Variants in PPP1R10 observed in about 807,000 individuals in gnomAD.
PPP1R10 encodes serine/threonine-protein phosphatase 1 regulatory subunit 10.
A neutral mutation model predicts 99.0 loss-of-function variants in PPP1R10; 15 were observed. That is an observed-to-expected ratio of 0.15 (90% confidence interval 0.10 to 0.23). PPP1R10 has a LOEUF of 0.23. PPP1R10 is among the 10% of genes least tolerant of loss of function. The pLI, the probability that PPP1R10 is intolerant of heterozygous loss-of-function variation, is 1.00. For synonymous variants in PPP1R10, 430 were observed against 449.5 expected, an observed-to-expected ratio of 0.96 and a Z score of 0.55; for missense variants, 947 against 1,259.4, an observed-to-expected ratio of 0.75 and a Z score of 3.75.
intron 2 of PPP1R10, among the ~76,000 whole-genome samples, chr6:30,612,804 C>T (rs1197411655): frequency 3.3e-5 from 5 of 152,232 alleles, no homozygotes; most frequent in Non-Finnish European, 7.4e-5. Flanking sequence ...TCCAACATTT[C>T]GGGCACAGGG....
At chr6:30,608,686 G>A (rs1277850837) in intron 5 of PPP1R10, 93 bp downstream of exon 5, 1 of 1,432,696 alleles carries the variant, frequency 7.0e-7, no homozygotes, top group Non-Finnish European at 9.6e-7. Context: ...TACCTCACAG[G>A]CCCAAGATTA....
intron 2 of PPP1R10, among the ~76,000 whole-genome samples, chr6:30,616,070 G>T (rs1760492178): frequency 6.6e-6 from 1 of 152,090 alleles, no homozygotes. Context: ...GGTACTTCTG[G>T]GCCACAAGAT....
intron 2 of PPP1R10, among the ~76,000 whole-genome samples, chr6:30,615,730 C>A (rs1474825053): frequency 6.6e-6 from 1 of 152,124 alleles, no homozygotes; most frequent in Admixed American, 6.5e-5. Flanking sequence ...ATGTTAATCA[C>A]TCTTTTGCTT....
intron 2 of PPP1R10, among the ~76,000 whole-genome samples, chr6:30,615,215 A>C (rs1407498624): frequency 6.6e-6 from 1 of 151,546 alleles, no homozygotes; most frequent in Non-Finnish European, 1.5e-5. Flanking sequence ...TTACATTATA[A>C]AACACCTTTT....
chr6:30,613,077 A>G (rs747783989), intron 2 of PPP1R10, among the ~76,000 whole-genome samples: 2 of 152,130 alleles, frequency 1.3e-5, no homozygotes, highest in Non-Finnish European at 2.9e-5. Flanking sequence ...CCTTATGGAG[A>G]ATGTTTCAGG....
rs1429668723 is a variant in PPP1R10, at chr6:30,603,661, A to G, written c.1578T>C (p.Cys526=). 1 of 1,594,320 alleles carries G rather than the reference A, an allele frequency of 6.3e-7. No individual in the cohort carries two copies. Among genetic ancestry groups the G allele is most frequent in the Non-Finnish European group, 8.5e-7 (1 of 1,172,464 alleles). ...PPKLIPLDEE[C]SMDETPYVET... ...CAACATACGGAGTCTCATCCATGGA[A>G]CACTCCTGAAAGAAGAACAAAAAAA... Residue 526 remains cysteine, a synonymous_variant, in exon 16 of 20, where the codon TGT becomes TGC. Coordinates refer to ENST00000376511, the MANE Select transcript of PPP1R10 (RefSeq NM_002714.4).
At position 30,602,155 on chromosome 6, in the gene PPP1R10, G is replaced by T. The variant is rs1383851621; in HGVS notation, c.2494C>A (p.His832Asn). The change falls in exon 19 of 20, where the codon CAC becomes AAC. Residue 832 changes from histidine (H) to asparagine (N), a missense_variant. By Grantham distance (68) the His-to-Asn change is moderately conservative (BLOSUM62 1). This residue lies in a region of PPP1R10 where 525 missense variants were observed against 578.8 expected (regional missense o/e 0.91). Transcript: ENST00000376511. The surrounding 1 kb of genome is among the most constrained non-coding windows in gnomAD (Gnocchi z 6.7). The stretch of plus-strand genomic sequence containing the variant: ...CCCATGCTTCCGCCAGGGCCTTCGT[G>T]GGGGCGATGTCCACCACCGGCACCC... ...GMGAGGGHRP[H>N]EGPGGSMGGS... The T allele has an allele frequency of 8.1e-6, 13 of 1,610,152 alleles. No individual in the cohort carries two copies. The highest frequency in any genetic ancestry group is 1.0e-5 in the Non-Finnish European group (12 of 1,178,794).
At position 30,603,816 on chromosome 6, in the gene PPP1R10, G is replaced by A. The variant is rs763898805; in HGVS notation, c.1536C>T (p.Tyr512=). Residue 512 remains tyrosine, a synonymous_variant, in exon 15 of 20, where the codon TAC becomes TAT. Coordinates refer to ENST00000376511, the MANE Select transcript of PPP1R10 (RefSeq NM_002714.4). Reference sequence around the variant, plus strand: ...GGATGAGTTTAGGGGGTATGGGCTCGTAGGGCTCAGGATCAGGCTCATGAG... The same window carrying A: ...GGATGAGTTTAGGGGGTATGGGCTCATAGGGCTCAGGATCAGGCTCATGAG... ...ESPHEPDPEP[Y]EPIPPKLIPL... 6.4e-5 allele frequency: 99 copies of A among 1,539,616 alleles called. No individual in the cohort carries two copies. Among genetic ancestry groups the A allele is most frequent in the Non-Finnish European group, 8.1e-5 (93 of 1,145,128 alleles).
chr6:30,602,160 C>T lies in PPP1R10; in HGVS notation c.2489G>A (p.Arg830His), dbSNP rs1046174908. Residue 830 changes from arginine (R) to histidine (H), a missense_variant, in exon 19 of 20, where the codon CGC (arginine) becomes CAC (histidine). This residue lies in a region of PPP1R10 where 525 missense variants were observed against 578.8 expected (regional missense o/e 0.91). Transcript: ENST00000376511. The surrounding 1 kb of genome is among the most constrained non-coding windows in gnomAD (Gnocchi z 6.7). ...GGGMGAGGGH[R>H]PHEGPGGSMG... The stretch of plus-strand genomic sequence containing the variant: ...GCTTCCGCCAGGGCCTTCGTGGGGG[C>T]GATGTCCACCACCGGCACCCATTCC... 5 of 1,610,194 alleles carry T rather than the reference C, an allele frequency of 3.1e-6. No homozygotes were observed. Among genetic ancestry groups the T allele is most frequent in the East Asian group, 2.2e-5 (1 of 44,508 alleles).
Position 30,606,803 on chromosome 6 carries a change from A to T in PPP1R10, c.436T>A (p.Ser146Thr). The T allele has an allele frequency of 1.2e-6, 2 of 1,614,132 alleles. No homozygotes were observed. The highest frequency in any genetic ancestry group is 1.7e-6 in the Non-Finnish European group (2 of 1,179,990). The change falls in exon 7 of 20, where the codon TCT becomes ACT. Residue 146 changes from serine to threonine, a missense_variant. By Grantham distance (58) the Ser-to-Thr change is moderately conservative. This residue lies in a region of PPP1R10 where 92 missense variants were observed against 159.2 expected (regional missense o/e 0.58). Coordinates refer to ENST00000376511, the MANE Select transcript of PPP1R10 (RefSeq NM_002714.4). This position sits in a 1 kb window ranked among gnomAD's most constrained non-coding sequence, Gnocchi z 6.3. Reference sequence around the variant, plus strand: ...CCAGCAGGCTGGGTACTGCTCTGAGAGCGGATGACAGCCATCCAGTCGCTG... The same window carrying T: ...CCAGCAGGCTGGGTACTGCTCTGAGTGCGGATGACAGCCATCCAGTCGCTG... ...LVSDWMAVIR[S>T]QSSTQPAEKD...
rs1803942615 is a variant in PPP1R10, at chr6:30,606,317, G to A, written c.635-74C>T. On this transcript the variant is annotated intron_variant, in intron 8 of 19. Coordinates refer to ENST00000376511, the MANE Select transcript of PPP1R10 (RefSeq NM_002714.4). The surrounding 1 kb of genome is among the most constrained non-coding windows in gnomAD (Gnocchi z 6.3). ...CCGAATTTTCCTCCCGTTCTCACCC[G>A]CAAATGTTCTTCTAGCCTTGTAACC... is the stretch of plus-strand genomic sequence containing the variant. 4.4e-6 allele frequency: 7 copies of A among 1,574,514 alleles called. No homozygotes were observed. The highest frequency in any genetic ancestry group is 4.5e-5 in the East Asian group (2 of 44,478).
chr6:30,601,939 C>T lies in PPP1R10; in HGVS notation c.2710G>A (p.Gly904Arg). Reference protein sequence around the residue: ...RGHDGGHSHGGDMSNRPVCRH... With the variant: ...RGHDGGHSHGRDMSNRPVCRH... ...GGGGGACAGGGAGCATCCTCACCTC[C>T]TCCATGGCTGTGGCCTCCATCGTGC... The change falls in exon 19 of 20, where the codon GGA becomes AGA. Residue 904 changes from glycine to arginine, a missense_variant. Physicochemically the swap from Gly to Arg is moderately radical, Grantham distance 125 (BLOSUM62 -2). Transcript: ENST00000376511. 6.6e-7 allele frequency: 1 copy of T among 1,507,442 alleles called. No individual in the cohort carries two copies. Among genetic ancestry groups the T allele is most frequent in the Admixed American group, 2.3e-5 (1 of 43,168 alleles). The allele number at this position is 1,507,442 out of a possible 1,614,324, so 93.4% of individuals were successfully genotyped here. A position where few individuals can be genotyped will look rare whatever the true frequency, so the allele number is the denominator to read the frequency against.
intron 1 of PPP1R10, 112 bp downstream of exon 1, chr6:30,617,112 A>C (rs1462364089): frequency 6.5e-6 from 1 of 152,772 alleles, no homozygotes; most frequent in Admixed American, 6.5e-5. Flanking sequence ...TCCTGATCGC[A>C]ACCGCTTTAA....
In PPP1R10 at chr6:30,609,877, C is replaced by G. The variant is rs759002084; in HGVS notation, c.68G>C (p.Gly23Ala). Reference sequence around the variant, plus strand: ...AATCCCATCCACACTTTTGACTTCCCCATCTCGGTTAAGGAAGCTGTCCAG... The same window carrying G: ...AATCCCATCCACACTTTTGACTTCCGCATCTCGGTTAAGGAAGCTGTCCAG... ...KGLDSFLNRDGEVKSVDGISK... is the reference protein window; with the variant it reads ...KGLDSFLNRDAEVKSVDGISK... The change falls in exon 3 of 20, where the codon GGG (glycine) becomes GCG (alanine). Residue 23 changes from glycine (G) to alanine (A), a missense_variant. Transcript: ENST00000376511. This position sits in a 1 kb window ranked among gnomAD's most constrained non-coding sequence, Gnocchi z 4.5. 1.9e-6 allele frequency: 3 copies of G among 1,614,096 alleles called. No homozygotes were observed. Among genetic ancestry groups the G allele is most frequent in the Admixed American group, 1.7e-5 (1 of 59,996 alleles).
rs185156664 is a variant in PPP1R10, at chr6:30,615,417, A to G, written c.-12+1061T>C. Among the ~76,000 whole-genome samples, 218 of 152,228 alleles carry G rather than the reference A, an allele frequency of 1.4e-3. 1 individual carries two copies. The highest frequency in any genetic ancestry group is 4.5e-3 in the African/African-American group (189 of 41,544). On this transcript the variant is annotated intron_variant, in intron 2 of 19. Coordinates refer to ENST00000376511, the MANE Select transcript of PPP1R10 (RefSeq NM_002714.4). ...ACCATCGACCACCCCCATCCTCCCT[A>G]TAGAGGGAAAGGGGGAGGAAGGACT...
chr6:30,602,313 C>A lies in PPP1R10; in HGVS notation c.2336G>T (p.Ser779Ile), dbSNP rs1186660001. ...AGGGCCTTCATGGGGGCGATGCCCA[C>A]TTCCCATGCCACCGCCAGGGCCTTC... is the stretch of plus-strand genomic sequence containing the variant. ...PHEGPGGGMGSGHRPHEGPGG... is the reference protein window; with the variant it reads ...PHEGPGGGMGIGHRPHEGPGG... The change falls in exon 19 of 20, where the codon AGT becomes ATT. Residue 779 changes from serine (S) to isoleucine (I), a missense_variant. Physicochemically the swap from Ser to Ile is moderately radical, Grantham distance 142. Coordinates refer to ENST00000376511, the MANE Select transcript of PPP1R10 (RefSeq NM_002714.4). This position sits in a 1 kb window ranked among gnomAD's most constrained non-coding sequence, Gnocchi z 6.7. The A allele has an allele frequency of 3.7e-6, 6 of 1,611,544 alleles. No individual in the cohort carries two copies. The highest frequency in any genetic ancestry group is 5.1e-6 in the Non-Finnish European group (6 of 1,179,490).
At position 30,606,954 on chromosome 6, in the gene PPP1R10, T is replaced by C; in HGVS notation, c.383-98A>G. On this transcript the variant is annotated intron_variant, in intron 6 of 19. Coordinates refer to ENST00000376511, the MANE Select transcript of PPP1R10 (RefSeq NM_002714.4). The surrounding 1 kb of genome is among the most constrained non-coding windows in gnomAD (Gnocchi z 6.3). ...TTTGAGAAAATATTGTGAAAATTTATGTAACGGAGAAAGTAACCCAAAGTT... is the reference window on the plus strand; with the variant it reads ...TTTGAGAAAATATTGTGAAAATTTACGTAACGGAGAAAGTAACCCAAAGTT... 1.7e-6 allele frequency: 2 copies of C among 1,144,476 alleles called. No homozygotes were observed. Among genetic ancestry groups the C allele is most frequent in the Non-Finnish European group, 2.5e-6 (2 of 785,762 alleles). 70.9% of individuals were successfully genotyped at this position (1,144,476 alleles called of 1,614,324 possible). A position where few individuals can be genotyped will look rare whatever the true frequency, so the allele number is the denominator to read the frequency against.
chr6:30,615,927 ACAGT>A (rs1359756990), intron 2 of PPP1R10, among the ~76,000 whole-genome samples: 2 of 152,264 alleles, frequency 1.3e-5, no homozygotes, highest in South Asian at 2.1e-4. Context: ...AGAGGATTTA[ACAGT>A]CATTTAAAAA....
chr6:30,605,729 G>A (rs375933538), intron 10 of PPP1R10, 194 bp downstream of exon 10: 28 of 590,222 alleles, frequency 4.7e-5, no homozygotes, highest in African/African-American at 1.9e-4. Flanking sequence ...GCGTGGTGGC[G>A]GGCACCAGTA....
Sources: gnomAD v4.1 joint callset for allele counts (sites outside exome capture counted in the v4.1 genomes callset) on GRCh38, gnomAD v4.1.1 for gene constraint, gnomAD v4.1.1 regional missense constraint, Gnocchi (gnomAD v3.1) non-coding constraint, MANE v1.5 for transcripts, NCBI Gene and HGNC (gene_info 2026-07-23, HGNC 2026-07-21) for gene names.